The following ZCCHC2 variants were observed in gnomAD, a reference collection of about 807,000 sequenced individuals.
ZCCHC2 encodes the protein zinc finger CCHC domain-containing protein 2.
A neutral mutation model predicts 103.6 loss-of-function variants in ZCCHC2; 39 were observed. That is an observed-to-expected ratio of 0.38 (90% CI 0.29 to 0.49). The LOEUF (loss-of-function observed/expected upper bound fraction) is 0.49. Ranked by LOEUF, ZCCHC2 falls within the 20% of genes least tolerant of loss-of-function variation. The pLI is 0.96. For missense variants in ZCCHC2, 1,483 were observed against 1,491.0 expected (o/e 0.99, Z 0.09); for synonymous variants, 687 against 608.9 (o/e 1.13, Z -1.89).
rs1339564902 is a variant in ZCCHC2, at chr18:62,556,197, G to T, written c.1314-6G>T. ...ATTAACAAATCTCTTTTCTTTTTATGTGCAGGCAGCTATTTTCAAGTTCAT... is the reference window on the plus strand; with the variant it reads ...ATTAACAAATCTCTTTTCTTTTTATTTGCAGGCAGCTATTTTCAAGTTCAT... On this transcript the variant is annotated splice_polypyrimidine_tract_variant and splice_region_variant and intron_variant, in intron 5 of 13. Transcript: ENST00000269499. 3 of 1,588,294 alleles carry T rather than the reference G, an allele frequency of 1.9e-6. No homozygotes were observed. Among genetic ancestry groups the T allele is most frequent in the Non-Finnish European group, 2.6e-6 (3 of 1,166,202 alleles).
chr18:62,565,536 A>AG (rs1241388933), intron 11 of ZCCHC2, among the ~76,000 whole-genome samples: 1 of 152,186 alleles, frequency 6.6e-6, no homozygotes, highest in East Asian at 1.9e-4. Context: ...ATGAGGCTTT[A>AG]GGGGAATGTC....
intron 11 of ZCCHC2, among the ~76,000 whole-genome samples, chr18:62,565,950 C>G (rs924211202): frequency 3.9e-5 from 6 of 152,046 alleles, no homozygotes; most frequent in African/African-American, 1.4e-4. Flanking sequence ...CCTTTTGAAT[C>G]TGAAATAATC....
rs1312092224 is a variant in ZCCHC2 at position 62,524,142 on chromosome 18, G to A, written c.718G>A (p.Gly240Ser). The change falls in exon 1 of 14, where the codon GGC (glycine) becomes AGC (serine). Residue 240 changes from glycine (G) to serine (S), a missense_variant. By Grantham distance (56) the Gly-to-Ser change is moderately conservative. Around this residue, in one of 3 missense-constraint regions of ZCCHC2, gnomAD observed 568 missense variants for 525.1 expected, o/e 1.08. Transcript: ENST00000269499. ...CGAGAAGGACGGCTCAGGCCCGGAA[G>A]GCGGCATTGTGGAGCCCCGGGTCGG... ...DAEKDGSGPE[G>S]GIVEPRVGGG... 1.9e-6 allele frequency: 3 copies of A among 1,543,582 alleles called. No individual in the cohort carries two copies. The highest frequency in any genetic ancestry group is 2.6e-6 in the Non-Finnish European group (3 of 1,145,626).
chr18:62,539,952 A>G (rs976751341), intron 2 of ZCCHC2, among the ~76,000 whole-genome samples, 160 bp downstream of exon 2: 1 of 152,178 alleles, frequency 6.6e-6, no homozygotes, highest in African/African-American at 2.4e-5. Context: ...TAGTTCTGCC[A>G]TCTGCACGCT....
chr18:62,576,057 G>T (rs1598969165), intron 13 of ZCCHC2, among the ~76,000 whole-genome samples: 1 of 149,508 alleles, frequency 6.7e-6, no homozygotes. Flanking sequence ...AGATTCTATT[G>T]CATTAATACA....
At chr18:62,565,279 A>G (rs1180258537) in intron 11 of ZCCHC2, among the ~76,000 whole-genome samples, 183 bp downstream of exon 11, 1 of 152,202 alleles carries the variant, frequency 6.6e-6, no homozygotes, top group Non-Finnish European at 1.5e-5. Flanking sequence ...TTTAGGGAAT[A>G]CAAACCAGCC....
intron 1 of ZCCHC2, among the ~76,000 whole-genome samples, chr18:62,527,764 C>T (rs113961842): frequency 0.019 from 2,960 of 152,208 alleles, 62 homozygotes; most frequent in Middle Eastern, 0.075. Flanking sequence ...GCTTATATAG[C>T]ATAGCTGAAA....
chr18:62,549,020 C>T (rs1450965290), intron 4 of ZCCHC2, among the ~76,000 whole-genome samples: 1 of 152,014 alleles, frequency 6.6e-6, no homozygotes, highest in African/African-American at 2.4e-5. Context: ...GAGATTGAGA[C>T]CATCCTGACT....
chr18:62,566,687 G>A (rs182005804), intron 11 of ZCCHC2, among the ~76,000 whole-genome samples: 1 of 152,322 alleles, frequency 6.6e-6, no homozygotes, highest in African/African-American at 2.4e-5. Flanking sequence ...GGAGAAGCAC[G>A]TGGACGTTGG....
intron 4 of ZCCHC2, among the ~76,000 whole-genome samples, chr18:62,545,458 T>G (rs777435031): frequency 6.6e-6 from 1 of 152,208 alleles, no homozygotes. Flanking sequence ...CCCCATATGA[T>G]AGAATCTCCA....
chr18:62,570,019 T>C, intron 11 of ZCCHC2, 84 bp from the exon 12 acceptor site: 1 of 1,366,856 alleles, frequency 7.3e-7, no homozygotes, highest in Non-Finnish European at 9.8e-7. Context: ...AAAATATAGC[T>C]AAAATTAATT....
In ZCCHC2 at chr18:62,547,508, T is replaced by A. The variant is rs1915469892; in HGVS notation, c.1200+2635T>A. On this transcript the variant is annotated intron_variant, in intron 4 of 13. Coordinates refer to ENST00000269499, the MANE Select transcript of ZCCHC2 (RefSeq NM_017742.6). ...CCATACAAATAGCAGCCTGTGTCCT[T>A]TGCATTCTGGCCCCCTTCACCTGTT... Among the ~76,000 whole-genome samples, 4 of 152,012 alleles carry A rather than the reference T, an allele frequency of 2.6e-5. 1 individual carries two copies. The South Asian group carries it at 8.3e-4, about 32-fold the overall frequency.
At chr18:62,558,835 G>A in intron 7 of ZCCHC2, 65 bp downstream of exon 7, 2 of 1,104,882 alleles carry the variant, frequency 1.8e-6, no homozygotes, top group Non-Finnish European at 2.6e-6. Context: ...GAACATTTAA[G>A]GAGTGAAGAA....
chr18:62,566,647 C>T (rs553522613), intron 11 of ZCCHC2, among the ~76,000 whole-genome samples: 3 of 152,346 alleles, frequency 2.0e-5, no homozygotes, highest in African/African-American at 7.2e-5. Context: ...AAGTTTGCAA[C>T]TGTTTTTTCG....
At chr18:62,534,311 TA>T (rs11403938) in intron 1 of ZCCHC2, among the ~76,000 whole-genome samples, 3,387 of 143,754 alleles carry the variant, frequency 0.024, 89 homozygotes, top group African/African-American at 0.071. Context: ...GATCCTGTCT[TA>T]AAAAAAAAAA....
Position 62,523,308 on chromosome 18 carries a change from C to T in ZCCHC2, c.-117C>T, listed in dbSNP as rs1914132464. 5 of 970,954 alleles carry T rather than the reference C, an allele frequency of 5.1e-6. No homozygotes were observed. The highest frequency in any genetic ancestry group is 1.2e-4 in the Admixed American group (2 of 16,042). The allele number at this position is 970,954 out of a possible 1,614,324, so 60.1% of individuals were successfully genotyped here. A position where few individuals can be genotyped will look rare whatever the true frequency, so the allele number is the denominator to read the frequency against. On this transcript the variant is annotated 5_prime_UTR_variant, in exon 1 of 14. Coordinates refer to ENST00000269499, the MANE Select transcript of ZCCHC2 (RefSeq NM_017742.6). ...GACCCGCCCCCGGCCCCGGCCCTCC[C>T]CCGGCGGCATGGAGGGGCCCCGCTC...
Position 62,535,737 on chromosome 18 carries a change from C to T in ZCCHC2, c.940-3944C>T, listed in dbSNP as rs758020540. Among the ~76,000 whole-genome samples the T allele has an allele frequency of 6.0e-4, 92 of 152,290 alleles. 1 individual carries two copies. The highest frequency in any genetic ancestry group is 4.1e-4 in the South Asian group (2 of 4,828). The stretch of plus-strand genomic sequence containing the variant: ...CACCACCAGCACATTCTAAAGCCAG[C>T]CTAGATCCACTGGGTGGGGAATTGG... On this transcript the variant is annotated intron_variant, in intron 1 of 13. Transcript: ENST00000269499.
At chr18:62,576,433 C>A in intron 13 of ZCCHC2, 79 bp from the exon 14 acceptor site, 1 of 1,266,700 alleles carries the variant, frequency 7.9e-7, no homozygotes, top group Non-Finnish European at 1.1e-6. Context: ...AGAGCATGCC[C>A]GTGTGATAGC....
At chr18:62,548,246 CTG>C (rs376859677) in intron 4 of ZCCHC2, among the ~76,000 whole-genome samples, 10 of 151,206 alleles carry the variant, frequency 6.6e-5, no homozygotes, top group East Asian at 1.9e-4. Flanking sequence ...TGATTTAAAA[CTG>C]TATATATATA....
Sources: gnomAD v4.1 joint callset for allele counts (sites outside exome capture counted in the v4.1 genomes callset) on GRCh38, gnomAD v4.1.1 for gene constraint, gnomAD v4.1.1 regional missense constraint, MANE v1.5 for transcripts, NCBI Gene and HGNC (gene_info 2026-07-23, HGNC 2026-07-21) for gene names.